Variants in ZNF471 observed in about 807,000 individuals in gnomAD.
ZNF471 encodes the protein EZFIT-related protein 1.
A neutral mutation model predicts 13.7 loss-of-function variants in ZNF471; 7 were observed. The ratio of observed to expected loss-of-function variants is 0.51; its 90% CI spans 0.29 to 0.96. The LOEUF (loss-of-function observed/expected upper bound fraction) is 0.96, where lower values mean the gene tolerates loss of function less well. Among genes scored for constraint, ZNF471 ranks in the 40% least tolerant of loss-of-function variants. The pLI is 0.08. For missense variants in ZNF471, 663 were observed against 743.3 expected (o/e 0.89, Z 1.26); for synonymous variants, 218 against 235.6 (o/e 0.93, Z 0.68).
chr19:56,508,656 A>G lies in ZNF471; in HGVS notation c.-56+736A>G, dbSNP rs16987295. 0.24 allele frequency among the ~76,000 whole-genome samples: 35,814 copies of G among 151,656 alleles called. 4,443 individuals are homozygous for G. The highest frequency in any genetic ancestry group is 0.26 in the Middle Eastern group (76 of 292). ...CAAGAACAGAGTGTGAGACTGTGGTATGTTAATGTGTGAAAGGGAGACCAG... is the reference window on the plus strand; with the variant it reads ...CAAGAACAGAGTGTGAGACTGTGGTGTGTTAATGTGTGAAAGGGAGACCAG... On this transcript the variant is annotated intron_variant, in intron 1 of 4. Transcript: ENST00000308031. This position sits in a 1 kb window ranked among gnomAD's most constrained non-coding sequence, Gnocchi z 4.7.
chr19:56,516,180 G>A lies in ZNF471; in HGVS notation c.34-95G>A, dbSNP rs1478910312. 1 of 1,290,130 alleles carries A rather than the reference G, an allele frequency of 7.8e-7. No individual in the cohort carries two copies. The highest frequency in any genetic ancestry group is 1.1e-6 in the Non-Finnish European group (1 of 918,248). 79.9% of individuals were successfully genotyped at this position (1,290,130 alleles called of 1,614,324 possible). On this transcript the variant is annotated intron_variant, in intron 2 of 4. Transcript: ENST00000308031. This position sits in a 1 kb window ranked among gnomAD's most constrained non-coding sequence, Gnocchi z 4.4. ...TATTTATGTTTTTTCTCTTCTATGA[G>A]TTATTTCTCACCTAAAGTAGAGACA...
rs57499065 is a variant in ZNF471 at position 56,517,298 on chromosome 19, A to AT, written c.160+919dup. On this transcript the variant is annotated intron_variant, in intron 3 of 4. Transcript: ENST00000308031. Reference sequence around the variant, plus strand: ...AGGCACCCACCACCACACCCAGCTAATTTTTTTTTTTTTTTTTTTTTTGAA... The same window carrying AT: ...AGGCACCCACCACCACACCCAGCTAATTTTTTTTTTTTTTTTTTTTTTTGAA... Among the ~76,000 whole-genome samples the AT allele has an allele frequency of 3.0e-3, 302 of 100,380 alleles. 1 individual carries two copies. The highest frequency in any genetic ancestry group is 0.012 in the Middle Eastern group (2 of 168). The allele number at this position is 100,380 out of a possible 152,430, so 65.9% of individuals were successfully genotyped here.
chr19:56,511,442 G>T, intron 1 of ZNF471, 75 bp from the exon 2 acceptor site: 1 of 1,154,898 alleles, frequency 8.7e-7, no homozygotes, highest in South Asian at 1.6e-5. Flanking sequence ...GGAAGAAGAA[G>T]ACAGTTTTAG....
Position 56,521,652 on chromosome 19 carries a change from A to AT in ZNF471, c.257-2672_257-2671insT, listed in dbSNP as rs1555765589. ...AGACTCTGTCTCAAAAAAAAAAAAA[A>AT]AAAAAAACTCTTCTATTGCTGGGCA... On this transcript the variant is annotated intron_variant, in intron 4 of 4. Transcript: ENST00000308031. Among the ~76,000 whole-genome samples the AT allele has an allele frequency of 3.4e-5, 5 of 147,382 alleles. No individual in the cohort carries two copies. The East Asian group carries it at 7.8e-4, about 23-fold the overall frequency.
At chr19:56,518,629 C>A in intron 4 of ZNF471, 52 bp downstream of exon 4, 1 of 1,489,600 alleles carries the variant, frequency 6.7e-7, no homozygotes, top group South Asian at 1.2e-5. Flanking sequence ...ATGGCTCAGC[C>A]ATTTTTAGAG....
chr19:56,520,832 A>G (rs1008120766), intron 4 of ZNF471, among the ~76,000 whole-genome samples: 3 of 152,194 alleles, frequency 2.0e-5, no homozygotes, highest in African/African-American at 7.2e-5. Flanking sequence ...TAAGTGTATT[A>G]GTCTGTTTAG....
intron 4 of ZNF471, among the ~76,000 whole-genome samples, chr19:56,523,357 C>CTTTTT (rs201870381): frequency 1.5e-5 from 2 of 136,358 alleles, no homozygotes; most frequent in African/African-American, 5.3e-5. Context: ...GTGAAACCCT[C>CTTTTT]TTTTTTTTTT....
At position 56,524,300 on chromosome 19, in the gene ZNF471, TC is replaced by T. The variant is rs763794379; in HGVS notation, c.257-23del. On this transcript the variant is annotated intron_variant, in intron 4 of 4. Transcript: ENST00000308031. This position sits in a 1 kb window ranked among gnomAD's most constrained non-coding sequence, Gnocchi z 4.8. ...TTGTAGCCCATGATAAAGGGAACATTCACTTTTTTTTAATATCTTTCAGATT... is the reference window on the plus strand; with the variant it reads ...TTGTAGCCCATGATAAAGGGAACATTACTTTTTTTTAATATCTTTCAGATT... 6.8e-7 allele frequency: 1 copy of T among 1,464,346 alleles called. No individual in the cohort carries two copies. The highest frequency in any genetic ancestry group is 9.1e-7 in the Non-Finnish European group (1 of 1,096,564). 90.7% of individuals were successfully genotyped at this position (1,464,346 alleles called of 1,614,324 possible).
chr19:56,513,091 CACA>C, intron 2 of ZNF471, among the ~76,000 whole-genome samples: 1 of 152,302 alleles, frequency 6.6e-6, no homozygotes, highest in South Asian at 2.1e-4. Context: ...AAGCACCATA[CACA>C]ACAGAATTAG....
At position 56,528,023 on chromosome 19, in the gene ZNF471, A is replaced by C. The variant is rs2044068350; in HGVS notation, c.*2075A>C. ...AAAAATTGTCTTGTGCCACACATAC[A>C]ATACACTAACATTAACAATAGCTGA... On this transcript the variant is annotated 3_prime_UTR_variant, in exon 5 of 5. Transcript: ENST00000308031. The C allele has an allele frequency of 6.6e-6, 1 of 152,304 alleles. No individual in the cohort carries two copies. Among genetic ancestry groups the C allele is most frequent in the East Asian group, 1.9e-4 (1 of 5,204 alleles). The allele number at this position is 152,304 out of a possible 1,614,324, so 9.4% of individuals were successfully genotyped here.
intron 4 of ZNF471, among the ~76,000 whole-genome samples, chr19:56,518,863 C>T (rs565346058): frequency 3.3e-5 from 5 of 152,238 alleles, no homozygotes; most frequent in African/African-American, 4.8e-5. Context: ...TCCCGTCTTT[C>T]GCTTTGCCAT....
In ZNF471 at chr19:56,524,800, CA is replaced by C; in HGVS notation, c.736del (p.Arg246GlyfsTer143). 1 of 1,612,920 alleles carries C rather than the reference CA, an allele frequency of 6.2e-7. No individual in the cohort carries two copies. The highest frequency in any genetic ancestry group is 1.1e-5 in the South Asian group (1 of 90,748). ...ACEECGKAFK[Q>X]RQHLAQHHRT... ...TGAGGAATGTGGAAAAGCCTTCAAG[CA>C]AAGGCAACACCTTGCTCAACATCAC... On this transcript the variant is annotated frameshift_variant, in exon 5 of 5. Coordinates refer to ENST00000308031, the MANE Select transcript of ZNF471 (RefSeq NM_020813.4). LOFTEE classifies it low-confidence loss of function (END_TRUNC). This position sits in a 1 kb window ranked among gnomAD's most constrained non-coding sequence, Gnocchi z 4.8.
chr19:56,529,488 T>C lies in ZNF471; in HGVS notation c.*3540T>C, dbSNP rs1186000760. ...GAGAATGACAGGACTGTGTAGAAGA[T>C]TTAAACCTTTTTCATGGCGTAAGAT... On this transcript the variant is annotated 3_prime_UTR_variant, in exon 5 of 5. Transcript: ENST00000308031. 2 of 152,168 alleles carry C rather than the reference T, an allele frequency of 1.3e-5. No individual in the cohort carries two copies. The highest frequency in any genetic ancestry group is 1.5e-5 in the Non-Finnish European group (1 of 68,034). The allele number at this position is 152,168 out of a possible 1,614,324, so 9.4% of individuals were successfully genotyped here.
In ZNF471 at chr19:56,518,568, C is replaced by A; in HGVS notation, c.247C>A (p.Pro83Thr). 1 of 1,613,110 alleles carries A rather than the reference C, an allele frequency of 6.2e-7. No homozygotes were observed. The highest frequency in any genetic ancestry group is 1.1e-5 in the South Asian group (1 of 90,868). The part of the protein sequence containing the change: ...WEMTSEMTRS[P>T]FSDWESIYVT... ...GATGACGAGTGAGATGACAAGAAGC[C>A]CATTCTCAGGTGAGTGTGGAAGAAC... Residue 83 changes from proline to threonine, a missense_variant, in exon 4 of 5, where the codon CCA becomes ACA. By Grantham distance (38) the Pro-to-Thr change is conservative. Coordinates refer to ENST00000308031, the MANE Select transcript of ZNF471 (RefSeq NM_020813.4).
chr19:56,520,407 T>A (rs1053281655), intron 4 of ZNF471, among the ~76,000 whole-genome samples: 12 of 152,174 alleles, frequency 7.9e-5, no homozygotes, highest in African/African-American at 2.9e-4. Context: ...GAGAAAACAG[T>A]AGATGATGGA....
In ZNF471 at chr19:56,527,932, C is replaced by T. The variant is rs573755086; in HGVS notation, c.*1984C>T. The T allele has an allele frequency of 1.3e-5, 2 of 152,344 alleles. No homozygotes were observed. Among genetic ancestry groups the T allele is most frequent in the East Asian group, 3.9e-4 (2 of 5,190 alleles). 9.4% of individuals were successfully genotyped at this position (152,344 alleles called of 1,614,324 possible). A position where few individuals can be genotyped will look rare whatever the true frequency, so the allele number is the denominator to read the frequency against. On this transcript the variant is annotated 3_prime_UTR_variant, in exon 5 of 5. Coordinates refer to ENST00000308031, the MANE Select transcript of ZNF471 (RefSeq NM_020813.4). ...CCAGTCCAAAACACAGTCATTTCAC[C>T]TGGACTATTTCAATCATTACACAGG...
At position 56,516,579 on chromosome 19, in the gene ZNF471, T is replaced by C. The variant is rs1170547104; in HGVS notation, c.160+178T>C. Among the ~76,000 whole-genome samples, 17 of 152,160 alleles carry C rather than the reference T, an allele frequency of 1.1e-4. No homozygotes were observed. ...ATTTAGAGTTAGTGAATTTGGAGAA[T>C]ATCAAATATTCCATGCATACACCCT... On this transcript the variant is annotated intron_variant, in intron 3 of 4. Coordinates refer to ENST00000308031, the MANE Select transcript of ZNF471 (RefSeq NM_020813.4). This position sits in a 1 kb window ranked among gnomAD's most constrained non-coding sequence, Gnocchi z 4.4.
Position 56,510,646 on chromosome 19 carries a change from G to A in ZNF471, c.-55-871G>A. 1.0e-6 allele frequency: 1 copy of A among 985,698 alleles called. No individual in the cohort carries two copies. The highest frequency in any genetic ancestry group is 1.2e-6 in the Non-Finnish European group (1 of 830,048). 61.1% of individuals were successfully genotyped at this position (985,698 alleles called of 1,614,324 possible). ...TCCTCCGTGTGACCATGAAACCTGT[G>A]TTAGTGTTTGTATGTCACCCTGTAT... On this transcript the variant is annotated intron_variant, in intron 1 of 4. Coordinates refer to ENST00000308031, the MANE Select transcript of ZNF471 (RefSeq NM_020813.4). This position sits in a 1 kb window ranked among gnomAD's most constrained non-coding sequence, Gnocchi z 4.3.
In ZNF471 at chr19:56,516,407, G is replaced by C. The variant is rs777103952; in HGVS notation, c.160+6G>C. 2.5e-6 allele frequency: 4 copies of C among 1,609,956 alleles called. No homozygotes were observed. The highest frequency in any genetic ancestry group is 3.4e-6 in the Non-Finnish European group (4 of 1,178,318). ...TCAGAGCCTGGTATCACTTGGTGAGGATCTTTTCCCTCCTGCATAATCTAC... is the reference window on the plus strand; with the variant it reads ...TCAGAGCCTGGTATCACTTGGTGAGCATCTTTTCCCTCCTGCATAATCTAC... On this transcript the variant is annotated splice_donor_region_variant and intron_variant, in intron 3 of 4. Coordinates refer to ENST00000308031, the MANE Select transcript of ZNF471 (RefSeq NM_020813.4). The surrounding 1 kb of genome is among the most constrained non-coding windows in gnomAD (Gnocchi z 4.4).
Sources: allele counts gnomAD v4.1 joint callset (sites outside exome capture counted in the v4.1 genomes callset), GRCh38; gene constraint gnomAD v4.1.1; non-coding constraint Gnocchi (gnomAD v3.1); transcripts MANE v1.5; gene names NCBI Gene and HGNC (gene_info 2026-07-23, HGNC 2026-07-21).